MARCHF1: variants seen among roughly 807,000 people sequenced by gnomAD.
MARCHF1 encodes E3 ubiquitin-protein ligase MARCHF1.
Under a neutral mutation model 54.2 loss-of-function variants are expected in MARCHF1, and 40 were observed. The observed-to-expected ratio is 0.74, with a 90% CI of 0.57 to 0.96. The LOEUF (loss-of-function observed/expected upper bound fraction) is 0.96, where lower values mean the gene tolerates loss of function less well. Among genes scored for constraint, MARCHF1 ranks in the 40% least tolerant of loss-of-function variants. The pLI is 0.00. For synonymous variants in MARCHF1, 236 were observed against 236.3 expected (o/e 1.00, Z 0.01); for missense variants, 586 against 656.5 (o/e 0.89, Z 1.17).
At chr4:164,282,491 C>G (rs976973101) in intron 1 of MARCHF1, among the ~76,000 whole-genome samples, 1 of 150,732 alleles carries the variant, frequency 6.6e-6, no homozygotes, top group Non-Finnish European at 1.5e-5. Context: ...CCTCATCCAC[C>G]GTTCCAATAA....
rs549798438 is a variant in MARCHF1 at position 163,748,177 on chromosome 4, T to C, written c.112-47314A>G. ...GCCTCAGGGTTATAGAACAGCTACC[T>C]TCAGCTATTCTCCCCCTGGGGCTCT... On this transcript the variant is annotated intron_variant, in intron 4 of 9. Coordinates refer to ENST00000514618, the MANE Select transcript of MARCHF1 (RefSeq NM_001394959.1). 3.9e-5 allele frequency among the ~76,000 whole-genome samples: 6 copies of C among 152,286 alleles called. No individual in the cohort carries two copies. In the South Asian group the frequency reaches 1.2e-3, roughly 32 times the overall value.
At chr4:163,540,488 A>G (rs988380970) in intron 9 of MARCHF1, among the ~76,000 whole-genome samples, 1 of 152,186 alleles carries the variant, frequency 6.6e-6, no homozygotes, top group African/African-American at 2.4e-5. Context: ...CAACAACAAA[A>G]TTGTTTCACA....
intron 1 of MARCHF1, chr4:164,189,941 G>T: frequency 3.9e-6 from 6 of 1,558,358 alleles, no homozygotes; most frequent in Non-Finnish European, 4.4e-6. Flanking sequence ...ACAAAAATAA[G>T]ATCACAATTA....
chr4:164,167,765 A>G (rs2110964220), intron 1 of MARCHF1, among the ~76,000 whole-genome samples: 1 of 151,996 alleles, frequency 6.6e-6, no homozygotes, highest in South Asian at 2.1e-4. Flanking sequence ...TACCACACAA[A>G]AATCAATGCA....
intron 3 of MARCHF1, among the ~76,000 whole-genome samples, chr4:163,923,326 A>G (rs914849871): frequency 6.6e-6 from 1 of 152,092 alleles, no homozygotes; most frequent in Non-Finnish European, 1.5e-5. Context: ...TCTGAAGATG[A>G]GTATCACCAC....
chr4:163,591,598 A>C (rs1740595608), intron 7 of MARCHF1, among the ~76,000 whole-genome samples: 1 of 152,142 alleles, frequency 6.6e-6, no homozygotes, highest in Admixed American at 6.6e-5. Flanking sequence ...AGTCAGGCTA[A>C]AGATGGCAAA....
intron 3 of MARCHF1, among the ~76,000 whole-genome samples, chr4:163,974,028 G>T (rs1179249813): frequency 1.3e-5 from 2 of 152,158 alleles, no homozygotes; most frequent in Non-Finnish European, 2.9e-5. Flanking sequence ...TATTAAATGT[G>T]TGTTGTTGGA....
At chr4:164,053,443 G>A (rs1754416917) in intron 2 of MARCHF1, among the ~76,000 whole-genome samples, 1 of 152,088 alleles carries the variant, frequency 6.6e-6, no homozygotes, top group South Asian at 2.1e-4. Context: ...AGTCTGTGAT[G>A]CTAACACACA....
At chr4:163,781,744 A>G (rs1579282317) in intron 4 of MARCHF1, among the ~76,000 whole-genome samples, 1 of 152,214 alleles carries the variant, frequency 6.6e-6, no homozygotes, top group Admixed American at 6.5e-5. Context: ...AGGAGAAAAC[A>G]CGGAAAAGAG....
chr4:163,695,639 A>G (rs138503081), intron 5 of MARCHF1, among the ~76,000 whole-genome samples: 2 of 152,194 alleles, frequency 1.3e-5, no homozygotes, highest in African/African-American at 4.8e-5. Context: ...TCTCATAAAC[A>G]GATTAGATTT....
Position 163,919,023 on chromosome 4 carries a change from C to A in MARCHF1, c.-38-64854G>T, listed in dbSNP as rs374167843. On this transcript the variant is annotated intron_variant, in intron 3 of 9. Coordinates refer to ENST00000514618, the MANE Select transcript of MARCHF1 (RefSeq NM_001394959.1). ...TATGCTTTGAAATACTTTGACAAGACCATAAGCATTTCTAAAGCAAAAATC... is the reference window on the plus strand; with the variant it reads ...TATGCTTTGAAATACTTTGACAAGAACATAAGCATTTCTAAAGCAAAAATC... Among the ~76,000 whole-genome samples the A allele has an allele frequency of 1.4e-3, 217 of 152,110 alleles. 1 individual carries two copies. Among genetic ancestry groups the A allele is most frequent in the Middle Eastern group, 6.8e-3 (2 of 294 alleles).
intron 2 of MARCHF1, among the ~76,000 whole-genome samples, chr4:164,048,922 T>C (rs957183857): frequency 6.6e-6 from 1 of 152,178 alleles, no homozygotes; most frequent in Non-Finnish European, 1.5e-5. Context: ...ATCAGTTTTA[T>C]ATAATTATCT....
intron 1 of MARCHF1, among the ~76,000 whole-genome samples, chr4:164,127,998 C>T (rs1452950629): frequency 6.6e-6 from 1 of 152,034 alleles, no homozygotes; most frequent in African/African-American, 2.4e-5. Flanking sequence ...AGTACTGGCT[C>T]ATGAATAGAC....
chr4:163,914,006 T>G (rs1751253079), intron 3 of MARCHF1, among the ~76,000 whole-genome samples: 1 of 147,700 alleles, frequency 6.8e-6, no homozygotes, highest in Non-Finnish European at 1.5e-5. Context: ...TTTTTTTTTT[T>G]CTTTGTCTAT....
At chr4:163,723,145 T>A (rs1054071978) in intron 4 of MARCHF1, among the ~76,000 whole-genome samples, 1 of 152,206 alleles carries the variant, frequency 6.6e-6, no homozygotes, top group Admixed American at 6.5e-5. Flanking sequence ...TTTGGCATGG[T>A]TTTGCACTGG....
intron 4 of MARCHF1, among the ~76,000 whole-genome samples, chr4:163,815,266 T>C (rs773915219): frequency 9.2e-5 from 14 of 152,222 alleles, no homozygotes; most frequent in Non-Finnish European, 1.5e-4. Context: ...ATACTATAAA[T>C]GTAGTTTTAT....
intron 2 of MARCHF1, among the ~76,000 whole-genome samples, chr4:164,068,839 G>A (rs1754790152): frequency 6.6e-6 from 1 of 152,216 alleles, no homozygotes; most frequent in African/African-American, 2.4e-5. Context: ...GGGACTTGGA[G>A]AATCTTTATG....
intron 1 of MARCHF1, among the ~76,000 whole-genome samples, chr4:164,259,847 G>C (rs1733413361): frequency 6.6e-6 from 1 of 152,142 alleles, no homozygotes. Context: ...ACCATTTGCA[G>C]TTGTCTTTCT....
intron 7 of MARCHF1, among the ~76,000 whole-genome samples, chr4:163,608,211 T>G (rs1741207121): frequency 6.6e-6 from 1 of 152,092 alleles, no homozygotes; most frequent in Non-Finnish European, 1.5e-5. Context: ...CCAGGGGACC[T>G]GAGTGTTGGT....
Sources: gnomAD v4.1 joint callset for allele counts (sites outside exome capture counted in the v4.1 genomes callset) on GRCh38, gnomAD v4.1.1 for gene constraint, MANE v1.5 for transcripts, NCBI Gene and HGNC (gene_info 2026-07-23, HGNC 2026-07-21) for gene names.